The following THNSL2 variants were observed in gnomAD, a reference collection of about 807,000 sequenced individuals.
THNSL2 encodes threonine synthase-like 2.
THNSL2 carries 34 observed loss-of-function variants against 40.0 expected under a neutral mutation model. That is an observed-to-expected ratio of 0.85 (90% confidence interval 0.65 to 1.13). The LOEUF (loss-of-function observed/expected upper bound fraction) is 1.13, where lower values mean the gene tolerates loss of function less well. Ranked by LOEUF, THNSL2 falls within the 50% of genes most tolerant of loss-of-function variation. THNSL2 has a pLI of 0.00. For missense variants in THNSL2, 537 were observed against 608.8 expected, an observed-to-expected ratio of 0.88 and a Z score of 1.24; for synonymous variants, 241 against 247.5, an observed-to-expected ratio of 0.97 and a Z score of 0.25.
intron 5 of THNSL2, 104 bp downstream of exon 5, chr2:88,179,117 G>C: frequency 8.5e-7 from 1 of 1,181,756 alleles, no homozygotes; most frequent in Non-Finnish European, 1.2e-6. Context: ...GGAAGGTGGA[G>C]TCCCAGTTCT....
intron 8 of THNSL2, 79 bp from the exon 9 acceptor site, chr2:88,185,819 A>G: frequency 6.5e-7 from 1 of 1,540,476 alleles, no homozygotes; most frequent in Non-Finnish European, 8.8e-7. Context: ...TCTGTTTCTT[A>G]TTCCTCCTCC....
chr2:88,180,671 G>A (rs1388224505), intron 5 of THNSL2, among the ~76,000 whole-genome samples: 2 of 152,238 alleles, frequency 1.3e-5, no homozygotes, highest in East Asian at 1.9e-4. Context: ...AACTGCTCAC[G>A]AAAGCACCAT....
At chr2:88,182,631 C>T in intron 5 of THNSL2, 68 bp from the exon 6 acceptor site, 1 of 1,428,550 alleles carries the variant, frequency 7.0e-7, no homozygotes, top group Non-Finnish European at 9.3e-7. Flanking sequence ...TTGATGAAGC[C>T]CAATTTACTT....
intron 3 of THNSL2, 80 bp downstream of exon 3, chr2:88,174,913 G>C: frequency 6.7e-7 from 1 of 1,492,376 alleles, no homozygotes; most frequent in Non-Finnish European, 9.2e-7. Context: ...TGTTCATAGA[G>C]CCACTCAGGA....
intron 1 of THNSL2, 43 bp from the exon 2 acceptor site, chr2:88,173,096 G>T (rs1383338631): frequency 1.4e-6 from 2 of 1,413,728 alleles, no homozygotes; most frequent in African/African-American, 2.9e-5. Flanking sequence ...GTGGGGTGTG[G>T]GAGCTTGGAG....
intron 8 of THNSL2, 55 bp downstream of exon 8, chr2:88,185,534 T>C: frequency 1.3e-6 from 2 of 1,559,494 alleles, no homozygotes; most frequent in Non-Finnish European, 1.7e-6. Context: ...TCAGGGGCCC[T>C]CTTCTTCTCC....
intron 5 of THNSL2, among the ~76,000 whole-genome samples, chr2:88,181,112 C>T (rs1227334312): frequency 0.21 from 37 of 180 alleles, no homozygotes; most frequent in South Asian, 0.5. Context: ...CCTCTCTCTC[C>T]TCTCTCTCTC....
chr2:88,179,819 A>C (rs1677337887), intron 5 of THNSL2, among the ~76,000 whole-genome samples: 2 of 152,254 alleles, frequency 1.3e-5, no homozygotes, highest in South Asian at 4.1e-4. Context: ...GAAAGGAGTC[A>C]TGCCCTGGTT....
At chr2:88,184,146 G>T (rs1678001873) in intron 7 of THNSL2, among the ~76,000 whole-genome samples, 1 of 152,182 alleles carries the variant, frequency 6.6e-6, no homozygotes, top group African/African-American at 2.4e-5. Context: ...GACTGGAGTG[G>T]AATTCCGGCC....
intron 7 of THNSL2, chr2:88,183,747 AT>A (rs1468745920): frequency 1.3e-5 from 2 of 149,800 alleles, no homozygotes; most frequent in African/African-American, 2.5e-5. Flanking sequence ...GATTGTTTTT[AT>A]TTTAATGCAA....
intron 4 of THNSL2, 67 bp downstream of exon 4, chr2:88,175,468 T>C: frequency 6.3e-7 from 1 of 1,580,720 alleles, no homozygotes; most frequent in Non-Finnish European, 8.6e-7. Context: ...CTTTGGGAGA[T>C]GGACTGGAAC....
intron 7 of THNSL2, 130 bp downstream of exon 7, chr2:88,183,203 A>C: frequency 8.0e-7 from 1 of 1,255,174 alleles, no homozygotes; most frequent in Non-Finnish European, 1.1e-6. Context: ...CACCACTTTT[A>C]CGGCCACTTT....
chr2:88,178,597 T>A lies in THNSL2; in HGVS notation c.572-186T>A, dbSNP rs1386708266. ...ACAAGAATCTGAGGCATGATTTCTGTCCTTGAGGAGCTTAATACTGAGTCT... is the reference window on the plus strand; with the variant it reads ...ACAAGAATCTGAGGCATGATTTCTGACCTTGAGGAGCTTAATACTGAGTCT... On this transcript the variant is annotated intron_variant, in intron 4 of 8. Coordinates refer to ENST00000674334, the MANE Select transcript of THNSL2 (RefSeq NM_018271.5). Among the ~76,000 whole-genome samples the A allele has an allele frequency of 2.6e-5, 4 of 152,180 alleles. No individual in the cohort carries two copies. The East Asian group carries it at 7.7e-4, about 29-fold the overall frequency.
chr2:88,175,501 G>A, intron 4 of THNSL2, 100 bp downstream of exon 4: 1 of 1,442,682 alleles, frequency 6.9e-7, no homozygotes, highest in Non-Finnish European at 9.5e-7. Flanking sequence ...TTGGGTAGCT[G>A]ACTGTCCTCC....
intron 5 of THNSL2, among the ~76,000 whole-genome samples, chr2:88,182,024 C>T (rs1290781296): frequency 6.6e-6 from 1 of 152,120 alleles, no homozygotes; most frequent in Non-Finnish European, 1.5e-5. Flanking sequence ...AGCTGATAGA[C>T]ATTTGGATTG....
chr2:88,184,557 G>A (rs997501582), intron 7 of THNSL2, among the ~76,000 whole-genome samples: 1 of 151,908 alleles, frequency 6.6e-6, no homozygotes, highest in African/African-American at 2.4e-5. Flanking sequence ...TTGAGGTCAG[G>A]AGTTTGAGAC....
At position 88,175,234 on chromosome 2, in the gene THNSL2, T is replaced by C. The variant is rs115656871; in HGVS notation, c.419-15T>C. The C allele has an allele frequency of 0.021, 33,328 of 1,612,410 alleles. 564 individuals carry two copies. Among genetic ancestry groups the C allele is most frequent in the Non-Finnish European group, 0.021 (24,335 of 1,178,890 alleles). Reference sequence around the variant, plus strand: ...TTGTTCTAAAGGGGGAGAGTTCTCCTTTCTTCCCATCCAGGAACATCTGGG... The same window carrying C: ...TTGTTCTAAAGGGGGAGAGTTCTCCCTTCTTCCCATCCAGGAACATCTGGG... On this transcript the variant is annotated splice_polypyrimidine_tract_variant and intron_variant, in intron 3 of 8. Transcript: ENST00000674334.
At position 88,186,119 on chromosome 2, in the gene THNSL2, A is replaced by C. The variant is rs754587632; in HGVS notation, c.1451A>C (p.Gln484Pro). ...AGGAGTCATGCCCTCAACACCTCCC[A>C]GTAGCCTGGCTGGAGGTGGCTTTCT... ...QWRSHALNTS[Q>P] The change falls in exon 9 of 9, where the codon CAG becomes CCG. Residue 484 changes from glutamine (Q) to proline (P), a missense_variant. Physicochemically the swap from Gln to Pro is moderately conservative, Grantham distance 76 (BLOSUM62 -1). Transcript: ENST00000674334. 2.6e-6 allele frequency: 4 copies of C among 1,553,698 alleles called. No homozygotes were observed. Among genetic ancestry groups the C allele is most frequent in the Non-Finnish European group, 3.5e-6 (4 of 1,147,942 alleles).
intron 5 of THNSL2, among the ~76,000 whole-genome samples, chr2:88,181,142 C>T (rs1247045615): frequency 1.4e-5 from 1 of 69,858 alleles, no homozygotes; most frequent in Non-Finnish European, 2.7e-5. Flanking sequence ...CTCTCTCTCT[C>T]CTCTCTCTCT....
Sources: gnomAD v4.1 joint callset for allele counts (sites outside exome capture counted in the v4.1 genomes callset) on GRCh38, gnomAD v4.1.1 for gene constraint, MANE v1.5 for transcripts, NCBI Gene and HGNC (gene_info 2026-07-23, HGNC 2026-07-21) for gene names.